Variants in CCDC148 observed in about 807,000 individuals in gnomAD.
CCDC148 encodes coiled-coil domain containing 148.
In CCDC148, 89 loss-of-function variants were observed where a neutral mutation model predicts 85.7. The observed-to-expected ratio is 1.04, with a 90% CI of 0.87 to 1.24. The LOEUF (loss-of-function observed/expected upper bound fraction) is 1.24. Among genes scored for constraint, CCDC148 ranks in the 50% most tolerant of loss-of-function variants. The pLI is 0.00. For synonymous variants in CCDC148, 230 were observed against 213.9 expected (o/e 1.08, Z -0.66); for missense variants, 692 against 671.7 (o/e 1.03, Z -0.33).
intron 2 of CCDC148, among the ~76,000 whole-genome samples, chr2:158,354,822 A>T (rs1203415220): frequency 6.6e-6 from 1 of 151,234 alleles, no homozygotes; most frequent in Admixed American, 6.6e-5. Context: ...TGATGCAAAA[A>T]TCCTCAATAA....
At chr2:158,331,431 G>A (rs1047777479) in intron 7 of CCDC148, among the ~76,000 whole-genome samples, 12 of 152,144 alleles carry the variant, frequency 7.9e-5, no homozygotes, top group East Asian at 3.9e-4. Flanking sequence ...TTCCAACTAC[G>A]TGGTCAATTT....
chr2:158,310,920 G>A (rs35789643), intron 8 of CCDC148, among the ~76,000 whole-genome samples: 9 of 151,702 alleles, frequency 5.9e-5, no homozygotes, highest in Admixed American at 1.3e-4. Context: ...GACGATGGGC[G>A]GCCGGGCAGA....
intron 1 of CCDC148, among the ~76,000 whole-genome samples, chr2:158,382,590 T>A (rs1400200811): frequency 1.3e-5 from 2 of 152,102 alleles, no homozygotes; most frequent in Admixed American, 1.3e-4. Context: ...CTGACAAATT[T>A]GAATAGAAGT....
intron 7 of CCDC148, among the ~76,000 whole-genome samples, chr2:158,331,012 G>C (rs1693079395): frequency 6.6e-6 from 1 of 152,004 alleles, no homozygotes; most frequent in Admixed American, 6.6e-5. Context: ...ATTTCCTTCA[G>C]TTCTGCTCTG....
At chr2:158,361,490 A>G (rs1683944099) in intron 1 of CCDC148, among the ~76,000 whole-genome samples, 1 of 152,202 alleles carries the variant, frequency 6.6e-6, no homozygotes, top group South Asian at 2.1e-4. Context: ...CAGAAACCCT[A>G]CAAGCCAGAA....
At chr2:158,201,825 C>G (rs1288164078) in intron 11 of CCDC148, among the ~76,000 whole-genome samples, 1 of 152,084 alleles carries the variant, frequency 6.6e-6, no homozygotes, top group Non-Finnish European at 1.5e-5. Flanking sequence ...TTGAATATGG[C>G]TAGATACTAA....
chr2:158,340,511 TA>T, intron 4 of CCDC148, 86 bp downstream of exon 4: 1 of 1,399,410 alleles, frequency 7.1e-7, no homozygotes, highest in East Asian at 2.3e-5. Context: ...AAATGGCAGT[TA>T]ATATTAAAAG....
intron 10 of CCDC148, among the ~76,000 whole-genome samples, chr2:158,239,288 TTC>T (rs144758960): frequency 0.035 from 5,236 of 148,802 alleles, 264 homozygotes; most frequent in African/African-American, 0.11. Flanking sequence ...TATCCAGGCT[TTC>T]TCTCTCTCTC....
chr2:158,330,094 A>G (rs1693015243), intron 7 of CCDC148, among the ~76,000 whole-genome samples: 1 of 152,160 alleles, frequency 6.6e-6, no homozygotes, highest in Non-Finnish European at 1.5e-5. Flanking sequence ...CCAGTTTTCA[A>G]AGGGAATGCT....
At chr2:158,275,165 C>T (rs890025368) in intron 9 of CCDC148, among the ~76,000 whole-genome samples, 8 of 152,208 alleles carry the variant, frequency 5.3e-5, no homozygotes, top group African/African-American at 1.9e-4. Flanking sequence ...TTGGGAAATG[C>T]CATCGCTAAG....
intron 9 of CCDC148, among the ~76,000 whole-genome samples, chr2:158,298,923 A>C (rs74529801): frequency 6.6e-6 from 1 of 151,896 alleles, no homozygotes; most frequent in Non-Finnish European, 1.5e-5. Flanking sequence ...AATTTTCATC[A>C]TATTTTGGAC....
intron 7 of CCDC148, among the ~76,000 whole-genome samples, chr2:158,320,023 T>TG (rs1559067901): frequency 6.6e-6 from 1 of 152,226 alleles, no homozygotes; most frequent in African/African-American, 2.4e-5. Context: ...TCTTCATTTT[T>TG]GGGGGGACAA....
At chr2:158,229,618 A>C (rs1394898088) in intron 10 of CCDC148, among the ~76,000 whole-genome samples, 2 of 152,102 alleles carry the variant, frequency 1.3e-5, no homozygotes, top group Admixed American at 1.3e-4. Context: ...GAAGCTCTAC[A>C]AGATATCTTT....
At chr2:158,322,788 A>G (rs1018923735) in intron 7 of CCDC148, among the ~76,000 whole-genome samples, 2 of 152,112 alleles carry the variant, frequency 1.3e-5, no homozygotes, top group Admixed American at 1.3e-4. Flanking sequence ...AAATTGTTAA[A>G]TCATTGTGGG....
chr2:158,410,802 TTATGCTTTCA>T (rs1458335169), intron 1 of CCDC148, among the ~76,000 whole-genome samples: 3 of 152,164 alleles, frequency 2.0e-5, no homozygotes, highest in Non-Finnish European at 4.4e-5. Context: ...TTAGTGAGAT[TTATGCTTTCA>T]TATGCTTTTA....
intron 7 of CCDC148, among the ~76,000 whole-genome samples, chr2:158,336,793 A>G (rs1467315387): frequency 1.3e-5 from 2 of 152,168 alleles, no homozygotes; most frequent in Admixed American, 1.3e-4. Flanking sequence ...GGATACAAAT[A>G]TAACTACTAA....
rs542668020 is a variant in CCDC148, at chr2:158,180,782, C to G, written c.1371-1786G>C. Reference sequence around the variant, plus strand: ...TGAGTCTGTCATGAAAGGAGAGACACAGGAGAGGAAAGGAGGGAAGCACAC... The same window carrying G: ...TGAGTCTGTCATGAAAGGAGAGACAGAGGAGAGGAAAGGAGGGAAGCACAC... On this transcript the variant is annotated intron_variant, in intron 11 of 13. Coordinates refer to ENST00000283233, the MANE Select transcript of CCDC148 (RefSeq NM_138803.4). Among the ~76,000 whole-genome samples the G allele has an allele frequency of 1.2e-3, 175 of 152,062 alleles. 1 individual carries two copies. Among genetic ancestry groups the G allele is most frequent in the African/African-American group, 4.0e-3 (166 of 41,474 alleles).
At chr2:158,328,585 C>T (rs1692918752) in intron 7 of CCDC148, among the ~76,000 whole-genome samples, 1 of 152,076 alleles carries the variant, frequency 6.6e-6, no homozygotes, top group Non-Finnish European at 1.5e-5. Flanking sequence ...TGAGGAATCG[C>T]CACACTGACT....
At chr2:158,283,866 G>A (rs573700502) in intron 9 of CCDC148, among the ~76,000 whole-genome samples, 1 of 152,054 alleles carries the variant, frequency 6.6e-6, no homozygotes, top group Admixed American at 6.5e-5. Context: ...GCAAAGACTT[G>A]GAACCAACCA....
Sources: allele counts gnomAD v4.1 joint callset (sites outside exome capture counted in the v4.1 genomes callset), GRCh38; gene constraint gnomAD v4.1.1; transcripts MANE v1.5; gene names NCBI Gene and HGNC (gene_info 2026-07-23, HGNC 2026-07-21).